The following ABCC4 variants were observed in gnomAD, a reference collection of about 807,000 sequenced individuals.
The protein encoded by ABCC4 is ATP-binding cassette sub-family C member 4.
A neutral mutation model predicts 168.5 loss-of-function variants in ABCC4; 102 were observed. The observed-to-expected ratio is 0.61, with a 90% CI of 0.52 to 0.71. The LOEUF (loss-of-function observed/expected upper bound fraction) is 0.71, where lower values mean the gene tolerates loss of function less well. ABCC4 is among the 30% of genes least tolerant of loss of function. ABCC4 has a pLI of 0.00. For missense variants in ABCC4, 1,402 were observed against 1,605.8 expected, an observed-to-expected ratio of 0.87 and a Z score of 2.17; for synonymous variants, 617 against 590.7, an observed-to-expected ratio of 1.04 and a Z score of -0.65.
In ABCC4 at chr13:95,196,664, G is replaced by A. The variant is rs369799978; in HGVS notation, c.1162-1727C>T. The stretch of plus-strand genomic sequence containing the variant: ...AGGAAGGAAGGAAGGAAGGAAGGAA[G>A]GAAGGAAGGAAGGAAGGAAGGAAGG... On this transcript the variant is annotated intron_variant, in intron 8 of 30. Transcript: ENST00000645237. Among the ~76,000 whole-genome samples, 38 of 33,344 alleles carry A rather than the reference G, an allele frequency of 1.1e-3. 3 individuals are homozygous for A. The highest frequency in any genetic ancestry group is 1.5e-3 in the Non-Finnish European group (26 of 17,594). 21.9% of individuals were successfully genotyped at this position (33,344 alleles called of 152,430 possible).
chr13:95,141,056 G>A (rs192838937), intron 19 of ABCC4, among the ~76,000 whole-genome samples: 4 of 152,056 alleles, frequency 2.6e-5, no homozygotes, highest in Non-Finnish European at 4.4e-5. Flanking sequence ...CCAATCTCTC[G>A]GGCAGTCATA....
rs9516520 is a variant in ABCC4 at position 95,020,604 on chromosome 13, T to C, written c.*971A>G. ...GTACTGCATAATTATAGTCAATGCT[T>C]GCAATAATTTTCAGTTTGTCTCATC... On this transcript the variant is annotated 3_prime_UTR_variant, in exon 31 of 31. Transcript: ENST00000645237. The C allele has an allele frequency of 0.1, 15,281 of 152,334 alleles. 997 individuals carry two copies. The highest frequency in any genetic ancestry group is 0.16 in the Admixed American group (2,507 of 15,294). The allele number at this position is 152,334 out of a possible 1,614,324, so 9.4% of individuals were successfully genotyped here. A position where few individuals can be genotyped will look rare whatever the true frequency, so the allele number is the denominator to read the frequency against.
chr13:95,021,606 G>A lies in ABCC4; in HGVS notation c.3947C>T (p.Ser1316Leu), dbSNP rs1454130025. The A allele has an allele frequency of 3.3e-5, 54 of 1,612,702 alleles. No individual in the cohort carries two copies. Among genetic ancestry groups the A allele is most frequent in the Non-Finnish European group, 4.5e-5 (53 of 1,178,914 alleles). ...MVTNTSNGQPSTLTIFETAL is the reference protein window; with the variant it reads ...MVTNTSNGQPLTLTIFETAL The stretch of plus-strand genomic sequence containing the variant: ...TGCTGTCTCGAAAATAGTTAAGGTC[G>A]AGGGCTGTCCATTGGAAGTGTTTGT... The change falls in exon 31 of 31, where the codon TCG becomes TTG. Residue 1316 changes from serine to leucine, a missense_variant. Physicochemically the swap from Ser to Leu is moderately radical, Grantham distance 145 (BLOSUM62 -2). This residue lies in a region of ABCC4 where 1,007 missense variants were observed against 1,127.3 expected (regional missense o/e 0.89). Transcript: ENST00000645237.
chr13:95,162,845 G>A (rs1183648863), intron 18 of ABCC4, among the ~76,000 whole-genome samples: 1 of 152,182 alleles, frequency 6.6e-6, no homozygotes, highest in Non-Finnish European at 1.5e-5. Flanking sequence ...TATTAGAATA[G>A]ACAATAGCCA....
chr13:95,212,810 C>T (rs1340276963), intron 4 of ABCC4, among the ~76,000 whole-genome samples: 2 of 152,076 alleles, frequency 1.3e-5, no homozygotes, highest in Non-Finnish European at 2.9e-5. Context: ...TAAAAAAAAT[C>T]ATGAAGGGCC....
At chr13:95,278,440 G>A (rs371132396) in intron 1 of ABCC4, among the ~76,000 whole-genome samples, 22 of 152,022 alleles carry the variant, frequency 1.4e-4, no homozygotes, top group East Asian at 3.9e-4. Flanking sequence ...TGACTGAAAC[G>A]GCAGAGGTCC....
intron 3 of ABCC4, among the ~76,000 whole-genome samples, chr13:95,238,674 G>A (rs748996728): frequency 2.0e-5 from 3 of 152,154 alleles, no homozygotes; most frequent in Non-Finnish European, 2.9e-5. Flanking sequence ...TCCTGCCTTG[G>A]CCTCCTGAGT....
intron 19 of ABCC4, among the ~76,000 whole-genome samples, chr13:95,146,601 T>C (rs1380460085): frequency 3.3e-5 from 5 of 152,114 alleles, no homozygotes; most frequent in Admixed American, 6.6e-5. Context: ...ATCCCTGCGG[T>C]TGCCACATAA....
intron 20 of ABCC4, among the ~76,000 whole-genome samples, chr13:95,114,671 T>C (rs528806430): frequency 2.0e-5 from 3 of 152,346 alleles, no homozygotes; most frequent in African/African-American, 7.2e-5. Context: ...CCTTCGCCCA[T>C]GGGCTATACT....
intron 20 of ABCC4, among the ~76,000 whole-genome samples, chr13:95,103,057 G>T (rs1007673435): frequency 6.6e-6 from 1 of 151,368 alleles, no homozygotes; most frequent in Admixed American, 6.6e-5. Context: ...ACGAGGTCAG[G>T]AGTTCGAGAC....
At chr13:95,067,062 G>A (rs1297929482) in intron 25 of ABCC4, among the ~76,000 whole-genome samples, 1 of 152,182 alleles carries the variant, frequency 6.6e-6, no homozygotes, top group Non-Finnish European at 1.5e-5. Context: ...TGGACATGGG[G>A]CAACTGGGAA....
At chr13:95,237,970 A>G (rs1473558689) in intron 3 of ABCC4, among the ~76,000 whole-genome samples, 1 of 151,948 alleles carries the variant, frequency 6.6e-6, no homozygotes, top group African/African-American at 2.4e-5. Context: ...CGAGGTGGGC[A>G]GATCACTTGA....
At chr13:95,068,306 CTG>C (rs1164335790) in intron 25 of ABCC4, among the ~76,000 whole-genome samples, 1 of 152,206 alleles carries the variant, frequency 6.6e-6, no homozygotes, top group African/African-American at 2.4e-5. Flanking sequence ...AAAGGTGACA[CTG>C]TGAGTGAACC....
intron 9 of ABCC4, among the ~76,000 whole-genome samples, chr13:95,189,506 A>G (rs2038189249): frequency 6.6e-6 from 1 of 152,134 alleles, no homozygotes; most frequent in Admixed American, 6.5e-5. Flanking sequence ...ATTCTATTTC[A>G]TTAACCTCCA....
chr13:95,037,544 C>T (rs905767221), intron 29 of ABCC4, among the ~76,000 whole-genome samples: 4 of 152,184 alleles, frequency 2.6e-5, no homozygotes, highest in African/African-American at 4.8e-5. Context: ...CTGCACAAAT[C>T]GGAAGATGGC....
chr13:95,070,355 G>A (rs1320489312), intron 25 of ABCC4, among the ~76,000 whole-genome samples: 1 of 152,186 alleles, frequency 6.6e-6, no homozygotes, highest in African/African-American at 2.4e-5. Context: ...TGCTTGGGGA[G>A]AAGGAGGGCA....
At chr13:95,141,513 C>T (rs2036316829) in intron 19 of ABCC4, among the ~76,000 whole-genome samples, 1 of 151,652 alleles carries the variant, frequency 6.6e-6, no homozygotes, top group Non-Finnish European at 1.5e-5. Context: ...TAAAGCTCCA[C>T]ATGTAATCTC....
Position 95,178,148 on chromosome 13 carries a change from T to C in ABCC4, c.1546-57A>G, listed in dbSNP as rs958179336. On this transcript the variant is annotated intron_variant, in intron 11 of 30. Transcript: ENST00000645237. ...AGAGACTTAAAACATGTTCTTCCTC[T>C]GTTCTTTGTGTTCTTCCAAAGTTAT... 26 of 1,451,166 alleles carry C rather than the reference T, an allele frequency of 1.8e-5. No homozygotes were observed. The Admixed American group carries it at 3.9e-4, about 22-fold the overall frequency. 89.9% of individuals were successfully genotyped at this position (1,451,166 alleles called of 1,614,324 possible).
chr13:95,135,507 G>T (rs2139463575), intron 19 of ABCC4, among the ~76,000 whole-genome samples: 1 of 151,546 alleles, frequency 6.6e-6, no homozygotes, highest in African/African-American at 2.4e-5. Flanking sequence ...TGACCTCTCG[G>T]GCTCAAGTGA....
Sources: allele counts gnomAD v4.1 joint callset (sites outside exome capture counted in the v4.1 genomes callset), GRCh38; gene constraint gnomAD v4.1.1; regional missense constraint gnomAD v4.1.1; transcripts MANE v1.5; gene names NCBI Gene and HGNC (gene_info 2026-07-23, HGNC 2026-07-21).